Variants in PRDM16 observed in about 807,000 individuals in gnomAD.
PRDM16 encodes histone-lysine N-methyltransferase PRDM16.
PRDM16 carries 23 observed loss-of-function variants against 110.6 expected under a neutral mutation model. The ratio of observed to expected loss-of-function variants is 0.21; its 90% CI spans 0.15 to 0.29. The LOEUF is 0.29. Ranked by LOEUF, PRDM16 falls within the 10% of genes least tolerant of loss-of-function variation. The probability of loss-of-function intolerance (pLI) is 1.00; values close to 1 mark genes in which losing one functional copy is unlikely to be tolerated. For synonymous variants in PRDM16, 799 were observed against 781.8 expected (o/e 1.02, Z -0.37); for missense variants, 1,615 against 1,794.3 (o/e 0.90, Z 1.81).
intron 4 of PRDM16, among the ~76,000 whole-genome samples, chr1:3,395,242 T>C (rs547328413): frequency 2.2e-4 from 33 of 152,216 alleles, no homozygotes; most frequent in African/African-American, 7.5e-4. Context: ...GGTGCCCAGC[T>C]GTGTCCAGCC....
intron 1 of PRDM16, among the ~76,000 whole-genome samples, chr1:3,125,345 G>A (rs1455467401): frequency 1.3e-5 from 2 of 152,248 alleles, no homozygotes; most frequent in Non-Finnish European, 2.9e-5. Context: ...GATTGGATGG[G>A]CAAAGAGGAC....
chr1:3,325,202 T>C (rs1019661715), intron 3 of PRDM16, among the ~76,000 whole-genome samples: 1 of 152,218 alleles, frequency 6.6e-6, no homozygotes, highest in Non-Finnish European at 1.5e-5. Flanking sequence ...CTCATGCCTG[T>C]GAGCTGCAGC....
At chr1:3,365,370 A>G (rs916814269) in intron 3 of PRDM16, among the ~76,000 whole-genome samples, 30 of 152,150 alleles carry the variant, frequency 2.0e-4, no homozygotes, top group African/African-American at 6.5e-4. Context: ...GAGGGTCAGG[A>G]AGAGGAAAGG....
chr1:3,345,763 G>T (rs1438023985), intron 3 of PRDM16, among the ~76,000 whole-genome samples: 3 of 75,126 alleles, frequency 4.0e-5, no homozygotes, highest in Admixed American at 2.2e-4. Flanking sequence ...CACCCCTCGG[G>T]TCCTCCCGTG....
At chr1:3,225,573 T>TGTGTGTGTGTGTGC (rs1336272072) in intron 2 of PRDM16, among the ~76,000 whole-genome samples, 3 of 129,804 alleles carry the variant, frequency 2.3e-5, no homozygotes, top group African/African-American at 8.0e-5. Flanking sequence ...TGTGTGTGTG[T>TGTGTGTGTGTGTGC]GCGCGCGCGC....
At chr1:3,415,631 G>A (rs780627469) in intron 10 of PRDM16, among the ~76,000 whole-genome samples, 2 of 152,250 alleles carry the variant, frequency 1.3e-5, no homozygotes, top group Non-Finnish European at 2.9e-5. Flanking sequence ...GAGCGAGGCC[G>A]GGAATATCTG....
intron 1 of PRDM16, among the ~76,000 whole-genome samples, chr1:3,163,606 G>A (rs952579435): frequency 6.6e-6 from 1 of 152,212 alleles, no homozygotes; most frequent in African/African-American, 2.4e-5. Context: ...GGTCCTCAGG[G>A]CCAGAAGTCT....
intron 1 of PRDM16, among the ~76,000 whole-genome samples, chr1:3,161,168 G>C (rs936557579): frequency 1.3e-5 from 2 of 152,298 alleles, no homozygotes; most frequent in South Asian, 4.1e-4. Flanking sequence ...GAGCAGGAAG[G>C]AGCCAGCGCG....
At chr1:3,140,714 C>T (rs1227118119) in intron 1 of PRDM16, among the ~76,000 whole-genome samples, 1 of 152,236 alleles carries the variant, frequency 6.6e-6, no homozygotes, top group African/African-American at 2.4e-5. Context: ...GCTGCCTGGC[C>T]TCCCAGGTGT....
intron 3 of PRDM16, among the ~76,000 whole-genome samples, chr1:3,355,133 T>C (rs1344176324): frequency 6.6e-6 from 1 of 151,902 alleles, no homozygotes; most frequent in Non-Finnish European, 1.5e-5. Flanking sequence ...GTGCTGAGGA[T>C]TGGATCGTGG....
At chr1:3,281,827 G>A (rs1165465914) in intron 3 of PRDM16, among the ~76,000 whole-genome samples, 3 of 152,260 alleles carry the variant, frequency 2.0e-5, no homozygotes, top group Non-Finnish European at 4.4e-5. Flanking sequence ...TTGCTTTCAG[G>A]AAACCAGGGA....
chr1:3,181,244 A>ACGCAGTCTTACACACGGCCTTACGCATG (rs1225918075), intron 1 of PRDM16, among the ~76,000 whole-genome samples: 1 of 48,566 alleles, frequency 2.1e-5, no homozygotes, highest in Non-Finnish European at 4.7e-5. Flanking sequence ...TCTTACACAC[A>ACGCAGTCTTACACACGGCCTTACGCATG]GTCTTACACA....
chr1:3,112,877 T>C (rs890617553), intron 1 of PRDM16, among the ~76,000 whole-genome samples: 2 of 152,222 alleles, frequency 1.3e-5, no homozygotes, highest in Non-Finnish European at 2.9e-5. Context: ...CATCCTCCTG[T>C]GGAACGGGGT....
At chr1:3,277,784 T>TGCACACACAG (rs59663829) in intron 3 of PRDM16, among the ~76,000 whole-genome samples, 1 of 139,126 alleles carries the variant, frequency 7.2e-6, no homozygotes. Context: ...CACGCACACA[T>TGCACACACAG]ATGCACACAC....
chr1:3,188,605 C>T (rs1352547501), intron 2 of PRDM16, among the ~76,000 whole-genome samples: 2 of 152,356 alleles, frequency 1.3e-5, no homozygotes, highest in South Asian at 2.1e-4. Context: ...AATATTTACT[C>T]TCCCCCCGAC....
chr1:3,413,670 G>A (rs1277463598), intron 9 of PRDM16, among the ~76,000 whole-genome samples: 4 of 152,152 alleles, frequency 2.6e-5, no homozygotes, highest in Non-Finnish European at 5.9e-5. Flanking sequence ...GCTGTGTCTT[G>A]CAACGGGGTG....
Position 3,431,949 on chromosome 1 carries a change from C to T in PRDM16, c.3522-17C>T. On this transcript the variant is annotated splice_polypyrimidine_tract_variant and intron_variant, in intron 15 of 16. Transcript: ENST00000270722. Reference sequence around the variant, plus strand: ...CTGCTGACAGCAGGCCTTCCCTCTCCCCGGTCATTGGTGCAGGTGTGCTGA... The same window carrying T: ...CTGCTGACAGCAGGCCTTCCCTCTCTCCGGTCATTGGTGCAGGTGTGCTGA... 6.2e-7 allele frequency: 1 copy of T among 1,607,442 alleles called. No homozygotes were observed. Among genetic ancestry groups the T allele is most frequent in the Non-Finnish European group, 8.5e-7 (1 of 1,176,168 alleles).
intron 3 of PRDM16, among the ~76,000 whole-genome samples, chr1:3,323,363 C>T (rs929609478): frequency 2.0e-5 from 3 of 152,228 alleles, no homozygotes; most frequent in African/African-American, 7.2e-5. Context: ...GTGGGGCGGG[C>T]GGCATTTGCA....
chr1:3,396,892 T>C (rs1460380503), intron 5 of PRDM16, among the ~76,000 whole-genome samples: 1 of 152,218 alleles, frequency 6.6e-6, no homozygotes, highest in African/African-American at 2.4e-5. Flanking sequence ...ATCCAGTGGA[T>C]TATGTCTTTG....
Sources: allele counts gnomAD v4.1 joint callset (sites outside exome capture counted in the v4.1 genomes callset), GRCh38; gene constraint gnomAD v4.1.1; transcripts MANE v1.5; gene names NCBI Gene and HGNC (gene_info 2026-07-23, HGNC 2026-07-21).